Variants in MGST1 observed in about 807,000 individuals in gnomAD.
MGST1 encodes microsomal glutathione S-transferase 1.
MGST1 carries 5 observed loss-of-function variants against 8.9 expected under a neutral mutation model. The ratio of observed to expected loss-of-function variants is 0.56; its 90% CI spans 0.29 to 1.19. The LOEUF (loss-of-function observed/expected upper bound fraction) is 1.19. Among genes scored for constraint, MGST1 ranks in the 50% most tolerant of loss-of-function variants. The pLI is 0.08. For missense variants in MGST1, 182 were observed against 187.4 expected, an observed-to-expected ratio of 0.97 and a Z score of 0.17; for synonymous variants, 54 against 67.8, an observed-to-expected ratio of 0.80 and a Z score of 1.00.
intron 4 of MGST1, among the ~76,000 whole-genome samples, chr12:16,540,299 G>T (rs774515956): frequency 6.6e-6 from 1 of 152,196 alleles, no homozygotes; most frequent in East Asian, 1.9e-4. Flanking sequence ...TAGAGCCAGG[G>T]TCTTGCTGTG....
chr12:16,458,894 ACCTAT>A lies in MGST1; in HGVS notation n.482+75294_482+75298del, dbSNP rs1283391228. Among the ~76,000 whole-genome samples, 1 of 151,972 alleles carries A rather than the reference ACCTAT, an allele frequency of 6.6e-6. No homozygotes were observed. Among genetic ancestry groups the A allele is most frequent in the Non-Finnish European group, 1.5e-5 (1 of 67,956 alleles). On this transcript the variant is annotated intron_variant and non_coding_transcript_variant, in intron 4 of 4. Transcript: ENST00000538857. The surrounding 1 kb of genome is among the most constrained non-coding windows in gnomAD (Gnocchi z 4.0). The stretch of plus-strand genomic sequence containing the variant: ...AGTGGCTTGTTAGGAAAGCTATATG[ACCTAT>A]CCTGCTGAGCTGAGAGCAGGGAATT...
intron 1 of MGST1, among the ~76,000 whole-genome samples, chr12:16,392,831 A>G: frequency 6.6e-6 from 1 of 152,160 alleles, no homozygotes; most frequent in East Asian, 1.9e-4. Flanking sequence ...ATAGATTGAA[A>G]TATACATTTT....
chr12:16,446,108 C>G (rs1941077657), intron 4 of MGST1, among the ~76,000 whole-genome samples: 1 of 151,894 alleles, frequency 6.6e-6, no homozygotes, highest in African/African-American at 2.4e-5. Flanking sequence ...GCACCGTTTG[C>G]TTTATACTCC....
chr12:16,544,827 G>T lies in MGST1; in HGVS notation n.483-44701G>T, dbSNP rs1458488193. Among the ~76,000 whole-genome samples the T allele has an allele frequency of 6.6e-6, 1 of 152,004 alleles. No homozygotes were observed. The highest frequency in any genetic ancestry group is 1.5e-5 in the Non-Finnish European group (1 of 67,940). ...ATGAAAGTTCCATTGATGTGATAGG[G>T]AGGATGACTATTAAATTATCGGCTA... On this transcript the variant is annotated intron_variant and non_coding_transcript_variant, in intron 4 of 4. Transcript: ENST00000538857. The surrounding 1 kb of genome is among the most constrained non-coding windows in gnomAD (Gnocchi z 4.8).
intron 4 of MGST1, among the ~76,000 whole-genome samples, chr12:16,505,570 G>A (rs899427220): frequency 4.6e-5 from 7 of 152,066 alleles, no homozygotes; most frequent in Admixed American, 1.3e-4. Context: ...ATACCAATAC[G>A]GCACCAAGTT....
At chr12:16,456,793 A>C (rs1941177507) in intron 4 of MGST1, among the ~76,000 whole-genome samples, 1 of 151,884 alleles carries the variant, frequency 6.6e-6, no homozygotes, top group Non-Finnish European at 1.5e-5. Flanking sequence ...GCTATTCTGA[A>C]GTCCTCATCC....
chr12:16,502,152 G>A (rs1941509151), intron 4 of MGST1, among the ~76,000 whole-genome samples: 1 of 152,130 alleles, frequency 6.6e-6, no homozygotes, highest in African/African-American at 2.4e-5. Context: ...GACAAATGAT[G>A]GCAAATATTT....
downstream of MGST1, among the ~76,000 whole-genome samples, chr12:16,593,203 T>C (rs927180846): frequency 1.3e-5 from 2 of 151,916 alleles, no homozygotes; most frequent in African/African-American, 4.8e-5. This position sits in a 1 kb window ranked among gnomAD's most constrained non-coding sequence, Gnocchi z 4.2. Flanking sequence ...ACTGCATTAG[T>C]GATAACAATT....
downstream of MGST1, among the ~76,000 whole-genome samples, chr12:16,368,640 G>A (rs545235679): frequency 6.6e-6 from 1 of 152,196 alleles, no homozygotes; most frequent in South Asian, 2.1e-4. Flanking sequence ...GGCCGTGTTG[G>A]GTTGAATTTG....
chr12:16,417,027 T>C (rs560653560), intron 1 of MGST1, among the ~76,000 whole-genome samples: 1 of 152,292 alleles, frequency 6.6e-6, no homozygotes, highest in South Asian at 2.1e-4. Flanking sequence ...AGTTGACAGA[T>C]AAATTATTTA....
chr12:16,481,229 T>C (rs976439367), intron 4 of MGST1, among the ~76,000 whole-genome samples: 4 of 152,176 alleles, frequency 2.6e-5, no homozygotes, highest in African/African-American at 9.7e-5. Flanking sequence ...ATCTACATGG[T>C]CCAGGAAATC....
intron 4 of MGST1, among the ~76,000 whole-genome samples, chr12:16,466,953 G>A (rs1479962577): frequency 6.6e-6 from 1 of 152,032 alleles, no homozygotes; most frequent in Non-Finnish European, 1.5e-5. Flanking sequence ...ATAAAAGGCA[G>A]TCTGACCCCG....
At chr12:16,486,559 T>A (rs1400344512) in intron 4 of MGST1, among the ~76,000 whole-genome samples, 2 of 152,206 alleles carry the variant, frequency 1.3e-5, no homozygotes, top group Non-Finnish European at 2.9e-5. Flanking sequence ...TATTACAGAA[T>A]GCTATTTAGA....
chr12:16,375,421 G>C (rs570134960), intron 3 of MGST1, among the ~76,000 whole-genome samples: 1 of 152,076 alleles, frequency 6.6e-6, no homozygotes, highest in Non-Finnish European at 1.5e-5. Flanking sequence ...ACCTCAATGC[G>C]TATCCTATTG....
intron 4 of MGST1, among the ~76,000 whole-genome samples, chr12:16,448,050 G>A (rs993694): frequency 0.63 from 95,639 of 151,572 alleles, 30,453 homozygotes; most frequent in East Asian, 0.81. Flanking sequence ...ACACTGTACA[G>A]GTTGTCGAGA....
chr12:16,565,983 CAT>C (rs61358392), intron 4 of MGST1, among the ~76,000 whole-genome samples: 78 of 43,786 alleles, frequency 1.8e-3, no homozygotes, highest in Non-Finnish European at 2.3e-3. Context: ...GAAAATGTGC[CAT>C]ATATATATAT....
At chr12:16,354,119 A>G (rs1046787192) in intron 1 of MGST1, 112 bp from the exon 2 acceptor site, 2 of 792,362 alleles carry the variant, frequency 2.5e-6, no homozygotes, top group Non-Finnish European at 3.8e-6. Flanking sequence ...ATAGTCCAAG[A>G]TATTTTTAAG....
At chr12:16,521,708 C>T (rs1277250208) in intron 4 of MGST1, among the ~76,000 whole-genome samples, 1 of 151,970 alleles carries the variant, frequency 6.6e-6, no homozygotes, top group East Asian at 1.9e-4. Context: ...TGAGAATTAA[C>T]TTGCAAAGAA....
intron 4 of MGST1, among the ~76,000 whole-genome samples, chr12:16,495,627 C>T (rs1941464847): frequency 6.6e-6 from 1 of 151,618 alleles, no homozygotes; most frequent in East Asian, 1.9e-4. Context: ...GGAAAATGAC[C>T]ATTTTTCAGT....
Sources: gnomAD v4.1 joint callset for allele counts (sites outside exome capture counted in the v4.1 genomes callset) on GRCh38, gnomAD v4.1.1 for gene constraint, Gnocchi (gnomAD v3.1) non-coding constraint, MANE v1.5 for transcripts, NCBI Gene and HGNC (gene_info 2026-07-23, HGNC 2026-07-21) for gene names.